CFAP299: variants seen among roughly 807,000 people sequenced by gnomAD.
CFAP299 encodes the protein cilia- and flagella-associated protein 299.
A neutral mutation model predicts 27.0 loss-of-function variants in CFAP299; 21 were observed. That is an observed-to-expected ratio of 0.78 (90% CI 0.55 to 1.12). The LOEUF (loss-of-function observed/expected upper bound fraction) is 1.12, where lower values mean the gene tolerates loss of function less well. Among genes scored for constraint, CFAP299 ranks in the 50% most tolerant of loss-of-function variants. CFAP299 has a pLI of 0.00. For synonymous variants in CFAP299, 104 were observed against 98.1 expected, an observed-to-expected ratio of 1.06 and a Z score of -0.36; for missense variants, 310 against 276.6, an observed-to-expected ratio of 1.12 and a Z score of -0.86.
chr4:80,886,721 C>A (rs958838401), intron 4 of CFAP299, among the ~76,000 whole-genome samples: 2 of 152,044 alleles, frequency 1.3e-5, no homozygotes, highest in Non-Finnish European at 2.9e-5. Context: ...GTAACTTCAC[C>A]AGTATAAATA....
intron 3 of CFAP299, among the ~76,000 whole-genome samples, chr4:80,841,884 A>G (rs902490390): frequency 2.6e-5 from 4 of 152,212 alleles, no homozygotes; most frequent in African/African-American, 4.8e-5. Flanking sequence ...ATTTTTGTTT[A>G]CTAGTATAAA....
intron 3 of CFAP299, among the ~76,000 whole-genome samples, chr4:80,705,751 C>G (rs1448590451): frequency 6.6e-6 from 1 of 151,782 alleles, no homozygotes; most frequent in Non-Finnish European, 1.5e-5. Context: ...AGCAATTAAC[C>G]TAATTATCTA....
At chr4:80,732,284 C>G (rs928647640) in intron 3 of CFAP299, among the ~76,000 whole-genome samples, 1 of 110,366 alleles carries the variant, frequency 9.1e-6, no homozygotes, top group African/African-American at 3.5e-5. Flanking sequence ...GAATCACACA[C>G]CTTAAACTAC....
chr4:80,872,867 C>T (rs1290929258), intron 4 of CFAP299: 11 of 948,538 alleles, frequency 1.2e-5, no homozygotes, highest in African/African-American at 1.8e-5. Context: ...TTGATTAATC[C>T]TTTGCCTCTT....
intron 4 of CFAP299, among the ~76,000 whole-genome samples, chr4:80,884,267 A>G (rs1733862541): frequency 6.6e-6 from 1 of 152,232 alleles, no homozygotes; most frequent in African/African-American, 2.4e-5. Context: ...AGATCATGTC[A>G]GGCCACAGAA....
At chr4:80,753,991 T>C (rs1202727307) in intron 3 of CFAP299, among the ~76,000 whole-genome samples, 1 of 152,194 alleles carries the variant, frequency 6.6e-6, no homozygotes, top group Non-Finnish European at 1.5e-5. Context: ...CTGTTATATC[T>C]GAGTCTGCTT....
intron 3 of CFAP299, among the ~76,000 whole-genome samples, chr4:80,663,127 T>A (rs949274653): frequency 1.3e-5 from 2 of 152,104 alleles, no homozygotes; most frequent in African/African-American, 2.4e-5. Context: ...ATTTTTAAAA[T>A]TTTTTTATTA....
At chr4:80,594,882 G>A (rs1736980077) in intron 3 of CFAP299, among the ~76,000 whole-genome samples, 1 of 152,092 alleles carries the variant, frequency 6.6e-6, no homozygotes, top group Non-Finnish European at 1.5e-5. Flanking sequence ...CCTAGTTAGG[G>A]TCAACTAGTT....
chr4:80,591,825 T>C (rs1387173624), intron 3 of CFAP299, among the ~76,000 whole-genome samples: 1 of 152,244 alleles, frequency 6.6e-6, no homozygotes, highest in African/African-American at 2.4e-5. Flanking sequence ...AAATCCTCCA[T>C]TTTGCTTAGA....
At chr4:80,657,061 T>C (rs1209671545) in intron 3 of CFAP299, among the ~76,000 whole-genome samples, 1 of 152,180 alleles carries the variant, frequency 6.6e-6, no homozygotes, top group East Asian at 1.9e-4. Context: ...TTGCATACTT[T>C]TTGATAAGTT....
intron 3 of CFAP299, among the ~76,000 whole-genome samples, chr4:80,738,294 T>C (rs1418494735): frequency 2.0e-5 from 3 of 152,154 alleles, no homozygotes; most frequent in African/African-American, 7.2e-5. Context: ...GTTGATTTTC[T>C]GTCTAGGAGA....
In CFAP299 at chr4:80,583,142, C is replaced by T. The variant is rs371121490; in HGVS notation, c.292C>T (p.Leu98=). The change falls in exon 3 of 6, where the codon CTG becomes TTG. Residue 98 remains leucine, a synonymous_variant. Coordinates refer to ENST00000358105, the MANE Select transcript of CFAP299 (RefSeq NM_152770.3). ...KDLQDNFLTA[L]AMREEDNRSG... ...CCTACAAGATAATTTTCTGACGGCC[C>T]TGGCAATGAGAGAAGAAGACAATCG... 24 of 1,605,796 alleles carry T rather than the reference C, an allele frequency of 1.5e-5. No individual in the cohort carries two copies. The highest frequency in any genetic ancestry group is 2.0e-5 in the Non-Finnish European group (23 of 1,174,766).
intron 3 of CFAP299, among the ~76,000 whole-genome samples, chr4:80,795,227 TC>T (rs1727787699): frequency 6.6e-6 from 1 of 152,228 alleles, no homozygotes; most frequent in Non-Finnish European, 1.5e-5. Context: ...TTCTTTGTCA[TC>T]AATTTTCCAA....
intron 3 of CFAP299, among the ~76,000 whole-genome samples, chr4:80,758,442 A>G (rs538793122): frequency 6.6e-6 from 1 of 152,174 alleles, no homozygotes; most frequent in Admixed American, 6.5e-5. Context: ...TTATGGGCAT[A>G]GGATGGGGGG....
chr4:80,777,052 A>T (rs1340315782), intron 3 of CFAP299, among the ~76,000 whole-genome samples: 2 of 151,668 alleles, frequency 1.3e-5, no homozygotes, highest in Non-Finnish European at 2.9e-5. Flanking sequence ...TTTTATACAC[A>T]CTCAAATTTG....
chr4:80,562,657 C>CAATAATAATAAT (rs144281838), intron 2 of CFAP299, among the ~76,000 whole-genome samples: 90 of 140,832 alleles, frequency 6.4e-4, no homozygotes, highest in African/African-American at 8.5e-4. Flanking sequence ...GACTCAATTT[C>CAATAATAATAAT]AATAATAATA....
At chr4:80,660,500 A>G (rs1399401499) in intron 3 of CFAP299, among the ~76,000 whole-genome samples, 2 of 152,228 alleles carry the variant, frequency 1.3e-5, no homozygotes, top group Non-Finnish European at 2.9e-5. Context: ...AAAATGTTAC[A>G]AGACAAAGAT....
At position 80,550,760 on chromosome 4, in the gene CFAP299, AACACAC is replaced by A. The variant is rs10561056; in HGVS notation, c.243-32314_243-32309del. 5.3e-3 allele frequency among the ~76,000 whole-genome samples: 787 copies of A among 148,804 alleles called. 6 individuals carry two copies. The highest frequency in any genetic ancestry group is 0.017 in the Middle Eastern group (5 of 288). Reference sequence around the variant, plus strand: ...TAAGTACTTAAAGGTATTAACTCAAAACACACACACACACACACACACACGCACACA... The same window carrying A: ...TAAGTACTTAAAGGTATTAACTCAAAACACACACACACACACACGCACACA... On this transcript the variant is annotated intron_variant, in intron 2 of 5. Transcript: ENST00000358105.
intron 2 of CFAP299, among the ~76,000 whole-genome samples, chr4:80,503,194 T>C (rs1731825288): frequency 6.6e-6 from 1 of 152,170 alleles, no homozygotes; most frequent in African/African-American, 2.4e-5. Flanking sequence ...TCACCTAGGA[T>C]TCAAAGTCTT....
Sources: allele counts gnomAD v4.1 joint callset (sites outside exome capture counted in the v4.1 genomes callset), GRCh38; gene constraint gnomAD v4.1.1; transcripts MANE v1.5; gene names NCBI Gene and HGNC (gene_info 2026-07-23, HGNC 2026-07-21).